Variants in COLGALT1 observed in about 807,000 individuals in gnomAD.
The protein encoded by COLGALT1 is collagen beta(1-O)galactosyltransferase 1, also known as procollagen galactosyltransferase 1.
Under a neutral mutation model 60.8 loss-of-function variants are expected in COLGALT1, and 43 were observed. That is an observed-to-expected ratio of 0.71 (90% CI 0.55 to 0.91). COLGALT1 has a LOEUF of 0.91. Ranked by LOEUF, COLGALT1 falls within the 40% of genes least tolerant of loss-of-function variation. COLGALT1 has a pLI of 0.00. For synonymous variants in COLGALT1, 369 were observed against 374.2 expected (o/e 0.99, Z 0.16); for missense variants, 845 against 880.0 (o/e 0.96, Z 0.50).
At chr19:17,563,999 G>A (rs1295379463) in intron 3 of COLGALT1, among the ~76,000 whole-genome samples, 2 of 151,808 alleles carry the variant, frequency 1.3e-5, no homozygotes, top group African/African-American at 4.8e-5. Context: ...GCTTCAGGAG[G>A]CCAATGTGGG....
At position 17,577,986 on chromosome 19, in the gene COLGALT1, T is replaced by G. The variant is rs1957241876; in HGVS notation, c.1163T>G (p.Leu388Arg). ...ATGAACACCAGCCAGGTGGAGGCGC[T>G]GGGGATCCAGATGCTGCCTGGCTAC... ...KAMNTSQVEA[L>R]GIQMLPGYRD... Residue 388 changes from leucine to arginine, a missense_variant, in exon 9 of 12, where the codon CTG (leucine) becomes CGG (arginine). Leu to Arg is a moderately radical substitution (Grantham distance 102, BLOSUM62 -2). Coordinates refer to ENST00000252599, the MANE Select transcript of COLGALT1 (RefSeq NM_024656.4). The G allele has an allele frequency of 6.2e-7, 1 of 1,611,540 alleles. No homozygotes were observed. The highest frequency in any genetic ancestry group is 8.5e-7 in the Non-Finnish European group (1 of 1,179,280).
Position 17,580,780 on chromosome 19 carries a change from T to C in COLGALT1, c.1476T>C (p.Tyr492=), listed in dbSNP as rs200469379. The C allele has an allele frequency of 6.1e-5, 99 of 1,613,978 alleles. No individual in the cohort carries two copies. In the Admixed American group the frequency reaches 1.6e-3, roughly 27 times the overall value. Reference sequence around the variant, plus strand: ...TGAGGAACCTGGTGGAGGCCGACTATTCCTACTGGACCCTGGCCTACGTGA... The same window carrying C: ...TGAGGAACCTGGTGGAGGCCGACTACTCCTACTGGACCCTGGCCTACGTGA... ...PRVRNLVEAD[Y]SYWTLAYVIS... The change falls in exon 11 of 12, where the codon TAT becomes TAC. Residue 492 remains tyrosine (Y), a synonymous_variant. Coordinates refer to ENST00000252599, the MANE Select transcript of COLGALT1 (RefSeq NM_024656.4).
At chr19:17,565,467 T>C (rs548021230) in intron 3 of COLGALT1, among the ~76,000 whole-genome samples, 2 of 152,294 alleles carry the variant, frequency 1.3e-5, no homozygotes, top group East Asian at 1.9e-4. Context: ...GCACCCGGCC[T>C]GGCTGTTGGG....
At chr19:17,573,971 G>A (rs1254108314) in intron 6 of COLGALT1, among the ~76,000 whole-genome samples, 1 of 152,156 alleles carries the variant, frequency 6.6e-6, no homozygotes, top group Admixed American at 6.6e-5. Context: ...AGCAGAGCCA[G>A]ACCCTGTATC....
intron 6 of COLGALT1, 186 bp from the exon 7 acceptor site, chr19:17,577,009 C>CCTGGGGGGTGGCCAGGGCTGTG: frequency 3.1e-6 from 1 of 325,316 alleles, no homozygotes; most frequent in Non-Finnish European, 5.7e-6. Flanking sequence ...GGGCTTTGGG[C>CCTGGGGGGTGGCCAGGGCTGTG]TGCTGTGCAG....
intron 5 of COLGALT1, among the ~76,000 whole-genome samples, chr19:17,569,153 A>T (rs762043104): frequency 6.6e-6 from 1 of 152,078 alleles, no homozygotes; most frequent in Non-Finnish European, 1.5e-5. Flanking sequence ...CGGAAGTTGC[A>T]GTGAGCCGAG....
Position 17,581,629 on chromosome 19 carries a change from A to C in COLGALT1, c.*185A>C, listed in dbSNP as rs1251433301. On this transcript the variant is annotated 3_prime_UTR_variant, in exon 12 of 12. Coordinates refer to ENST00000252599, the MANE Select transcript of COLGALT1 (RefSeq NM_024656.4). ...GCAGCATTAATGGAGTGCCTACTGCATGCCAGCAACAGGGCTTGGCCCTGG... is the reference window on the plus strand; with the variant it reads ...GCAGCATTAATGGAGTGCCTACTGCCTGCCAGCAACAGGGCTTGGCCCTGG... The C allele has an allele frequency of 9.2e-6, 7 of 761,960 alleles. No individual in the cohort carries two copies. Among genetic ancestry groups the C allele is most frequent in the Non-Finnish European group, 8.2e-6 (4 of 485,488 alleles). The allele number at this position is 761,960 out of a possible 1,614,324, so 47.2% of individuals were successfully genotyped here.
At position 17,580,494 on chromosome 19, in the gene COLGALT1, C is replaced by T. The variant is rs1254554751; in HGVS notation, c.1395-205C>T. The stretch of plus-strand genomic sequence containing the variant: ...CTCCAGATCCTCCATGGCTCCCTCA[C>T]GCCCTTTGGAAAAACTCACTCTTCT... On this transcript the variant is annotated intron_variant, in intron 10 of 11. Transcript: ENST00000252599. 13 of 601,712 alleles carry T rather than the reference C, an allele frequency of 2.2e-5. 1 individual carries two copies. Among genetic ancestry groups the T allele is most frequent in the Admixed American group, 5.9e-5 (2 of 34,032 alleles). 37.3% of individuals were successfully genotyped at this position (601,712 alleles called of 1,614,324 possible). A position where few individuals can be genotyped will look rare whatever the true frequency, so the allele number is the denominator to read the frequency against.
At chr19:17,556,630 G>A (rs2076213484) in intron 1 of COLGALT1, 1 of 748,838 alleles carries the variant, frequency 1.3e-6, no homozygotes, top group Non-Finnish European at 1.6e-6. Context: ...TGGAAAATGG[G>A]TCCGGGTGCA....
Position 17,555,976 on chromosome 19 carries a change from G to A in COLGALT1, c.260+3G>A. 7.4e-7 allele frequency: 1 copy of A among 1,347,978 alleles called. No individual in the cohort carries two copies. Among genetic ancestry groups the A allele is most frequent in the Non-Finnish European group, 9.5e-7 (1 of 1,047,860 alleles). 83.5% of individuals were successfully genotyped at this position (1,347,978 alleles called of 1,614,324 possible). On this transcript the variant is annotated splice_donor_region_variant and intron_variant, in intron 1 of 11. Coordinates refer to ENST00000252599, the MANE Select transcript of COLGALT1 (RefSeq NM_024656.4). Reference sequence around the variant, plus strand: ...CCGCGGGAGCGCACGGCGCTATGGTGAGTCGAGCCCGCTGTCCCCATCAGG... The same window carrying A: ...CCGCGGGAGCGCACGGCGCTATGGTAAGTCGAGCCCGCTGTCCCCATCAGG...
At chr19:17,568,855 G>C in intron 5 of COLGALT1, 142 bp downstream of exon 5, 1 of 785,514 alleles carries the variant, frequency 1.3e-6, no homozygotes, top group Non-Finnish European at 2.1e-6. Flanking sequence ...GCTGTATCTA[G>C]GTGTTCAGAT....
intron 3 of COLGALT1, among the ~76,000 whole-genome samples, chr19:17,562,663 A>G (rs1040300309): frequency 6.7e-6 from 1 of 149,638 alleles, no homozygotes; most frequent in African/African-American, 2.4e-5. Context: ...CTATGTCTCA[A>G]AAAAAAAAAG....
In COLGALT1 at chr19:17,581,746, T is replaced by G. The variant is rs1914486734; in HGVS notation, c.*302T>G. 2.3e-6 allele frequency: 1 copy of G among 440,246 alleles called. No homozygotes were observed. The highest frequency in any genetic ancestry group is 3.8e-5 in the Admixed American group (1 of 26,016). The allele number at this position is 440,246 out of a possible 1,614,324, so 27.3% of individuals were successfully genotyped here. A position where few individuals can be genotyped will look rare whatever the true frequency, so the allele number is the denominator to read the frequency against. ...ATGCAAGGTTCCCATGTTACGGCAG[T>G]GAATGAGGCATAATTGTTCCCTCCA... On this transcript the variant is annotated 3_prime_UTR_variant, in exon 12 of 12. Transcript: ENST00000252599.
At chr19:17,576,888 C>T (rs938804049) in intron 6 of COLGALT1, among the ~76,000 whole-genome samples, 1 of 140,994 alleles carries the variant, frequency 7.1e-6, no homozygotes, top group African/African-American at 2.8e-5. Context: ...TGGGGCGAGT[C>T]CAGGGTTGAG....
chr19:17,581,101 C>T (rs1311076823), intron 11 of COLGALT1, 76 bp from the exon 12 acceptor site: 2 of 1,531,672 alleles, frequency 1.3e-6, no homozygotes, highest in Non-Finnish European at 1.8e-6. Context: ...CTGACTTCTT[C>T]ACCCCCAATT....
intron 5 of COLGALT1, chr19:17,571,962 A>C (rs2076315187): frequency 6.5e-6 from 1 of 153,296 alleles, no homozygotes; most frequent in African/African-American, 2.4e-5. Context: ...CTCCTGCCAC[A>C]GCCTCCCGAG....
rs2076383703 is a variant in COLGALT1 at position 17,581,658 on chromosome 19, A to G, written c.*214A>G. 2 of 639,952 alleles carry G rather than the reference A, an allele frequency of 3.1e-6. No individual in the cohort carries two copies. The highest frequency in any genetic ancestry group is 4.0e-5 in the South Asian group (2 of 50,284). The allele number at this position is 639,952 out of a possible 1,614,324, so 39.6% of individuals were successfully genotyped here. A position where few individuals can be genotyped will look rare whatever the true frequency, so the allele number is the denominator to read the frequency against. The stretch of plus-strand genomic sequence containing the variant: ...CAGCAACAGGGCTTGGCCCTGGGGA[A>G]TTGGGAGGAACCAAGCCCTCTTCAT... On this transcript the variant is annotated 3_prime_UTR_variant, in exon 12 of 12. Transcript: ENST00000252599.
chr19:17,572,000 A>G (rs1203536322), intron 5 of COLGALT1: 1 of 155,348 alleles, frequency 6.4e-6, no homozygotes, highest in Non-Finnish European at 1.4e-5. Context: ...AGGTACCACC[A>G]TTCCCAGCTA....
At chr19:17,577,165 C>T in intron 6 of COLGALT1, 30 bp from the exon 7 acceptor site, 1 of 1,609,436 alleles carries the variant, frequency 6.2e-7, no homozygotes, top group Non-Finnish European at 8.5e-7. Flanking sequence ...CTCCTTACCC[C>T]AGCGACTCCT....
Sources: gnomAD v4.1 joint callset for allele counts (sites outside exome capture counted in the v4.1 genomes callset) on GRCh38, gnomAD v4.1.1 for gene constraint, MANE v1.5 for transcripts, NCBI Gene and HGNC (gene_info 2026-07-23, HGNC 2026-07-21) for gene names.